The following UBE2E2 variants were observed in gnomAD, a reference collection of about 807,000 sequenced individuals.
The protein encoded by UBE2E2 is ubiquitin conjugating enzyme E2 E2.
UBE2E2 carries 6 observed loss-of-function variants against 24.7 expected under a neutral mutation model. The ratio of observed to expected loss-of-function variants is 0.24; its 90% CI spans 0.13 to 0.48. UBE2E2 has a LOEUF of 0.48. UBE2E2 is among the 20% of genes least tolerant of loss of function. The pLI is 0.99. For synonymous variants in UBE2E2, 104 were observed against 83.6 expected (o/e 1.24, Z -1.33); for missense variants, 169 against 245.0 (o/e 0.69, Z 2.07).
In UBE2E2 at chr3:23,532,714, A is replaced by T. The variant is rs1695152185; in HGVS notation, c.508+13A>T. 2 of 1,509,208 alleles carry T rather than the reference A, an allele frequency of 1.3e-6. No individual in the cohort carries two copies. Among genetic ancestry groups the T allele is most frequent in the African/African-American group, 2.7e-5 (2 of 73,868 alleles). 93.5% of individuals were successfully genotyped at this position (1,509,208 alleles called of 1,614,324 possible). A position where few individuals can be genotyped will look rare whatever the true frequency, so the allele number is the denominator to read the frequency against. On this transcript the variant is annotated intron_variant, in intron 5 of 5. Coordinates refer to ENST00000396703, the MANE Select transcript of UBE2E2 (RefSeq NM_152653.4). The stretch of plus-strand genomic sequence containing the variant: ...GATTGCAACCCTGGTAAGAGACTTT[A>T]AATCTAGTATGAATTGGAGCTTGTC...
At position 23,232,323 on chromosome 3, in the gene UBE2E2, G is replaced by A. The variant is rs147035207; in HGVS notation, c.227+15011G>A. The stretch of plus-strand genomic sequence containing the variant: ...ACTATTTCAAAATATCCATCACTTT[G>A]CTAGGTCTCAGATTATTGCATGTTG... On this transcript the variant is annotated intron_variant, in intron 3 of 5. Transcript: ENST00000396703. Among the ~76,000 whole-genome samples, 66 of 152,276 alleles carry A rather than the reference G, an allele frequency of 4.3e-4. 1 individual carries two copies. In the East Asian group the frequency reaches 0.012, roughly 27 times the overall value.
At chr3:23,383,953 C>A (rs1696742976) in intron 3 of UBE2E2, among the ~76,000 whole-genome samples, 1 of 149,750 alleles carries the variant, frequency 6.7e-6, no homozygotes, top group South Asian at 2.1e-4. Context: ...AAATTAACCT[C>A]ACAATTTATC....
At chr3:23,571,001 C>T (rs991723919) in intron 5 of UBE2E2, among the ~76,000 whole-genome samples, 11 of 152,202 alleles carry the variant, frequency 7.2e-5, no homozygotes, top group South Asian at 2.1e-4. Context: ...GCCAACATAA[C>T]TCTTAATAAA....
chr3:23,477,952 A>G (rs980692274), intron 3 of UBE2E2, among the ~76,000 whole-genome samples: 3 of 152,184 alleles, frequency 2.0e-5, no homozygotes, highest in African/African-American at 7.2e-5. Context: ...TCACTCTGTG[A>G]GGAAGGAGGT....
chr3:23,548,639 T>G (rs1695574722), intron 5 of UBE2E2, among the ~76,000 whole-genome samples: 3 of 152,232 alleles, frequency 2.0e-5, no homozygotes, highest in Admixed American at 1.3e-4. Context: ...TCCAGCCTCC[T>G]GATTTTTCTG....
At chr3:23,235,980 A>T (rs1697093314) in intron 3 of UBE2E2, among the ~76,000 whole-genome samples, 1 of 152,150 alleles carries the variant, frequency 6.6e-6, no homozygotes. Flanking sequence ...AAATATTTAA[A>T]TCTGTAGGAA....
intron 5 of UBE2E2, among the ~76,000 whole-genome samples, chr3:23,585,108 G>A (rs528335596): frequency 5.9e-5 from 9 of 152,092 alleles, no homozygotes; most frequent in African/African-American, 1.2e-4. Context: ...TTGGAGCAGC[G>A]GCTCATCCTG....
intron 3 of UBE2E2, among the ~76,000 whole-genome samples, chr3:23,303,068 C>T (rs192118648): frequency 1.5e-4 from 23 of 152,252 alleles, no homozygotes; most frequent in Admixed American, 7.9e-4. Flanking sequence ...GCTCTGCCTC[C>T]CGTCAGATCA....
At chr3:23,285,097 T>G (rs1698586439) in intron 3 of UBE2E2, among the ~76,000 whole-genome samples, 1 of 152,156 alleles carries the variant, frequency 6.6e-6, no homozygotes, top group Non-Finnish European at 1.5e-5. Context: ...TGTTTAATTT[T>G]TAGCTCCTAC....
chr3:23,483,066 A>T (rs1349982982), intron 3 of UBE2E2, among the ~76,000 whole-genome samples: 1 of 152,198 alleles, frequency 6.6e-6, no homozygotes, highest in Non-Finnish European at 1.5e-5. Flanking sequence ...GGTCTCTTAA[A>T]CAGAAAGGTA....
chr3:23,341,321 T>C (rs1874503), intron 3 of UBE2E2, among the ~76,000 whole-genome samples: 127,688 of 152,056 alleles, frequency 0.84, 53,685 homozygotes, highest in African/African-American at 0.89. Context: ...TCTTTACAGT[T>C]GTTTAAGTAC....
chr3:23,258,984 T>C (rs1032946563), intron 3 of UBE2E2, among the ~76,000 whole-genome samples: 2 of 150,622 alleles, frequency 1.3e-5, no homozygotes, highest in East Asian at 1.9e-4. Context: ...TTTTGACTTA[T>C]ACAAAATAAG....
intron 3 of UBE2E2, among the ~76,000 whole-genome samples, chr3:23,306,119 T>C (rs1165072223): frequency 1.3e-5 from 2 of 152,216 alleles, no homozygotes; most frequent in Non-Finnish European, 2.9e-5. Flanking sequence ...ACTAGCAACC[T>C]ACGTGGCCAC....
chr3:23,294,229 A>G (rs1232083989), intron 3 of UBE2E2, among the ~76,000 whole-genome samples: 2 of 152,234 alleles, frequency 1.3e-5, no homozygotes, highest in Admixed American at 6.5e-5. Context: ...AACGTTATTC[A>G]TAACAAAGAT....
intron 3 of UBE2E2, among the ~76,000 whole-genome samples, chr3:23,411,571 A>G (rs1697498010): frequency 6.6e-6 from 1 of 152,194 alleles, no homozygotes; most frequent in African/African-American, 2.4e-5. Flanking sequence ...GGTCAAATTT[A>G]TATGTGCTAA....
rs993012581 is a variant in UBE2E2 at position 23,299,241 on chromosome 3, G to C, written c.227+81929G>C. On this transcript the variant is annotated intron_variant, in intron 3 of 5. Transcript: ENST00000396703. ...GATGTTTTCAAAAAACCAGCTCCTGGTTTCATTAATCTTTTGAAGGTTTTT... is the reference window on the plus strand; with the variant it reads ...GATGTTTTCAAAAAACCAGCTCCTGCTTTCATTAATCTTTTGAAGGTTTTT... Among the ~76,000 whole-genome samples, 3 of 152,138 alleles carry C rather than the reference G, an allele frequency of 2.0e-5. No individual in the cohort carries two copies. The South Asian group carries it at 6.2e-4, about 32-fold the overall frequency.
rs1268846190 is a variant in UBE2E2, at chr3:23,589,538, G to A, written c.509-196G>A. ...TGACAAGAGCTATCAGTAAAATACAGATAGGTGACTCTTGGGGCAGCTGGT... is the reference window on the plus strand; with the variant it reads ...TGACAAGAGCTATCAGTAAAATACAAATAGGTGACTCTTGGGGCAGCTGGT... On this transcript the variant is annotated intron_variant, in intron 5 of 5. Transcript: ENST00000396703. This position sits in a 1 kb window ranked among gnomAD's most constrained non-coding sequence, Gnocchi z 4.1. Among the ~76,000 whole-genome samples, 1 of 152,188 alleles carries A rather than the reference G, an allele frequency of 6.6e-6. No individual in the cohort carries two copies. Among genetic ancestry groups the A allele is most frequent in the Non-Finnish European group, 1.5e-5 (1 of 68,044 alleles).
intron 3 of UBE2E2, among the ~76,000 whole-genome samples, chr3:23,250,470 C>G (rs1397889662): frequency 6.6e-6 from 1 of 152,158 alleles, no homozygotes; most frequent in Non-Finnish European, 1.5e-5. Context: ...CTTCTAACTT[C>G]ATATCAAACT....
intron 3 of UBE2E2, 99 bp downstream of exon 3, chr3:23,217,411 G>A: frequency 1.9e-6 from 2 of 1,070,614 alleles, no homozygotes; most frequent in South Asian, 2.7e-5. Flanking sequence ...TGATTAATTA[G>A]TAAAAACATC....
Sources: allele counts gnomAD v4.1 joint callset (sites outside exome capture counted in the v4.1 genomes callset), GRCh38; gene constraint gnomAD v4.1.1; non-coding constraint Gnocchi (gnomAD v3.1); transcripts MANE v1.5; gene names NCBI Gene and HGNC (gene_info 2026-07-23, HGNC 2026-07-21).